Variants in CSRNP3 observed in about 807,000 individuals in gnomAD.
CSRNP3 encodes the protein cysteine and serine rich nuclear protein 3, also known as cysteine/serine-rich nuclear protein 3.
A neutral mutation model predicts 48.0 loss-of-function variants in CSRNP3; 12 were observed. That is an observed-to-expected ratio of 0.25 (90% CI 0.16 to 0.41). CSRNP3 has a LOEUF of 0.41. CSRNP3 is among the 10% of genes least tolerant of loss of function. The pLI is 1.00. For missense variants in CSRNP3, 580 were observed against 724.4 expected (o/e 0.80, Z 2.29); for synonymous variants, 263 against 269.7 (o/e 0.98, Z 0.24).
intron 3 of CSRNP3, among the ~76,000 whole-genome samples, chr2:165,589,053 T>C (rs1416393927): frequency 6.6e-6 from 1 of 152,228 alleles, no homozygotes; most frequent in Non-Finnish European, 1.5e-5. Context: ...TAATTTGGCC[T>C]CATCTTTAGG....
At chr2:165,628,565 A>T (rs1686478075) in intron 4 of CSRNP3, among the ~76,000 whole-genome samples, 2 of 151,610 alleles carry the variant, frequency 1.3e-5, no homozygotes, top group African/African-American at 4.8e-5. Flanking sequence ...CTCTACTAAA[A>T]ATACAAAAAT....
At chr2:165,655,869 C>T (rs1200647514) in intron 4 of CSRNP3, among the ~76,000 whole-genome samples, 1 of 152,200 alleles carries the variant, frequency 6.6e-6, no homozygotes, top group Non-Finnish European at 1.5e-5. Context: ...TTTATAAACA[C>T]ACCAGTCATC....
intron 4 of CSRNP3, among the ~76,000 whole-genome samples, chr2:165,619,881 T>C (rs1368814493): frequency 2.0e-5 from 3 of 152,178 alleles, no homozygotes; most frequent in Non-Finnish European, 4.4e-5. Context: ...TTAATTAAGT[T>C]AAACTTGCTA....
At chr2:165,671,934 T>C (rs1002499765) in intron 5 of CSRNP3, among the ~76,000 whole-genome samples, 2 of 152,174 alleles carry the variant, frequency 1.3e-5, no homozygotes, top group East Asian at 3.9e-4. Flanking sequence ...GCCTCTTTGT[T>C]AAAGCACAGC....
At chr2:165,481,355 A>C (rs1212247021) in intron 1 of CSRNP3, among the ~76,000 whole-genome samples, 2 of 152,170 alleles carry the variant, frequency 1.3e-5, no homozygotes, top group Admixed American at 1.3e-4. Context: ...AGATTACTGC[A>C]GTGCAAACCA....
At chr2:165,608,873 G>A (rs1210226059) in intron 4 of CSRNP3, among the ~76,000 whole-genome samples, 2 of 145,130 alleles carry the variant, frequency 1.4e-5, no homozygotes, top group Admixed American at 7.1e-5. Flanking sequence ...GGCAGATCAC[G>A]AGGTCAGGAG....
intron 4 of CSRNP3, among the ~76,000 whole-genome samples, chr2:165,605,194 C>T (rs1035251093): frequency 6.6e-6 from 1 of 152,074 alleles, no homozygotes; most frequent in African/African-American, 2.4e-5. Context: ...CTTCCAGAAT[C>T]CTGTACTCCC....
intron 4 of CSRNP3, among the ~76,000 whole-genome samples, chr2:165,642,723 C>T (rs1037524136): frequency 1.1e-4 from 17 of 152,132 alleles, no homozygotes; most frequent in Non-Finnish European, 4.4e-5. Context: ...CCACCATGCC[C>T]GGCTAATTTT....
chr2:165,511,473 G>A (rs563401285), intron 2 of CSRNP3, among the ~76,000 whole-genome samples: 1 of 152,100 alleles, frequency 6.6e-6, no homozygotes, highest in Non-Finnish European at 1.5e-5. Context: ...GAGAGGAAAT[G>A]GAATCTAAGT....
chr2:165,665,489 G>A (rs184595590), intron 5 of CSRNP3, among the ~76,000 whole-genome samples: 33 of 152,248 alleles, frequency 2.2e-4, no homozygotes, highest in African/African-American at 7.7e-4. Context: ...GGCCGGGCAG[G>A]GTGGCTCGCA....
intron 3 of CSRNP3, among the ~76,000 whole-genome samples, chr2:165,540,756 A>G (rs986080653): frequency 3.3e-5 from 5 of 151,846 alleles, no homozygotes; most frequent in African/African-American, 1.2e-4. Flanking sequence ...TAAAGCCTGA[A>G]CTCTGGGTTC....
intron 4 of CSRNP3, among the ~76,000 whole-genome samples, chr2:165,601,711 A>G (rs1685918797): frequency 6.6e-6 from 1 of 151,418 alleles, no homozygotes; most frequent in Admixed American, 6.6e-5. Context: ...TTTCTCTCTG[A>G]ATACACAAGG....
At chr2:165,558,267 T>A (rs1685186929) in intron 3 of CSRNP3, among the ~76,000 whole-genome samples, 1 of 152,216 alleles carries the variant, frequency 6.6e-6, no homozygotes, top group South Asian at 2.1e-4. Context: ...TCACTGCCAT[T>A]GTCACAGTTG....
intron 3 of CSRNP3, among the ~76,000 whole-genome samples, chr2:165,518,639 T>C (rs1449835319): frequency 1.3e-5 from 2 of 152,032 alleles, no homozygotes; most frequent in Non-Finnish European, 2.9e-5. Flanking sequence ...TTTAGTCTAA[T>C]TGGATACCTT....
At chr2:165,575,157 T>A (rs1207534602) in intron 3 of CSRNP3, among the ~76,000 whole-genome samples, 1 of 152,188 alleles carries the variant, frequency 6.6e-6, no homozygotes, top group Admixed American at 6.5e-5. Flanking sequence ...AGGACAAAAG[T>A]CTTCTTTCCA....
chr2:165,620,338 C>T (rs150446381), intron 4 of CSRNP3, among the ~76,000 whole-genome samples: 16 of 152,096 alleles, frequency 1.1e-4, no homozygotes, highest in South Asian at 6.2e-4. Context: ...AAAATCTATG[C>T]GACTGATTTT....
chr2:165,611,145 A>G (rs779143288), intron 4 of CSRNP3, among the ~76,000 whole-genome samples: 7 of 152,116 alleles, frequency 4.6e-5, no homozygotes, highest in Non-Finnish European at 1.0e-4. Flanking sequence ...GAGATAATAC[A>G]TTTGACTAGA....
intron 4 of CSRNP3, among the ~76,000 whole-genome samples, chr2:165,609,747 A>G (rs936674049): frequency 9.2e-5 from 14 of 152,200 alleles, no homozygotes; most frequent in African/African-American, 3.4e-4. Flanking sequence ...AACAGGGAGT[A>G]GGTCTCCAGA....
chr2:165,532,113 C>G (rs548222727), intron 3 of CSRNP3, among the ~76,000 whole-genome samples: 1 of 152,186 alleles, frequency 6.6e-6, no homozygotes, highest in South Asian at 2.1e-4. Flanking sequence ...GATTCACAGC[C>G]GAATTCTACC....
Sources: allele counts gnomAD v4.1 joint callset (sites outside exome capture counted in the v4.1 genomes callset), GRCh38; gene constraint gnomAD v4.1.1; transcripts MANE v1.5; gene names NCBI Gene and HGNC (gene_info 2026-07-23, HGNC 2026-07-21).